DIP2C: variants seen among roughly 807,000 people sequenced by gnomAD.
DIP2C encodes DIP2 acetate--CoA ligase C (putative), also known as disco-interacting protein 2 homolog C.
DIP2C carries 33 observed loss-of-function variants against 192.4 expected under a neutral mutation model. That is an observed-to-expected ratio of 0.17 (90% CI 0.13 to 0.23). The LOEUF is 0.23. Among genes scored for constraint, DIP2C ranks in the 10% least tolerant of loss-of-function variants. DIP2C has a pLI of 1.00. For synonymous variants in DIP2C, 979 were observed against 864.1 expected, an observed-to-expected ratio of 1.13 and a Z score of -2.33; for missense variants, 1,537 against 2,110.1, an observed-to-expected ratio of 0.73 and a Z score of 5.32.
intron 32 of DIP2C, among the ~76,000 whole-genome samples, chr10:301,425 A>T (rs905402228): frequency 6.6e-6 from 1 of 152,154 alleles, no homozygotes; most frequent in African/African-American, 2.4e-5. Context: ...GGGGGTCAGG[A>T]GAAAAGGCAG....
At chr10:623,718 G>A (rs1158279843) in intron 1 of DIP2C, among the ~76,000 whole-genome samples, 6 of 119,466 alleles carry the variant, frequency 5.0e-5, no homozygotes, top group Non-Finnish European at 1.1e-4. Flanking sequence ...GCTGAGGGGA[G>A]GAGGGGAGGA....
chr10:399,489 C>T (rs1964245326), intron 9 of DIP2C, among the ~76,000 whole-genome samples: 1 of 152,202 alleles, frequency 6.6e-6, no homozygotes, highest in South Asian at 2.1e-4. Context: ...CCACACGTTT[C>T]CACATAGATG....
chr10:281,849 A>C (rs1954847432), intron 35 of DIP2C, among the ~76,000 whole-genome samples: 1 of 152,232 alleles, frequency 6.6e-6, no homozygotes, highest in Admixed American at 6.5e-5. Context: ...TCCTTAGCTC[A>C]TAGAGCCAGG....
chr10:545,165 CCTTTT>C (rs1377572355), intron 1 of DIP2C, among the ~76,000 whole-genome samples: 8 of 91,892 alleles, frequency 8.7e-5, no homozygotes, highest in Admixed American at 3.2e-4. Context: ...TGGTGTTTTC[CCTTTT>C]TTTTTTTTTT....
At chr10:444,099 C>G (rs928373002) in intron 3 of DIP2C, among the ~76,000 whole-genome samples, 1 of 152,210 alleles carries the variant, frequency 6.6e-6, no homozygotes, top group African/African-American at 2.4e-5. Flanking sequence ...TCACCTGAGA[C>G]TCGTGTAGAT....
Position 310,095 on chromosome 10 carries a change from GC to G in DIP2C, c.3925-4del. On this transcript the variant is annotated splice_polypyrimidine_tract_variant and splice_region_variant and intron_variant, in intron 31 of 36. Transcript: ENST00000280886. ...GTTGGGTCAGGTCCTGAGGTTCCCTGCAAGCAACAACAGAGTGGTTAACTCA... is the reference window on the plus strand; with the variant it reads ...GTTGGGTCAGGTCCTGAGGTTCCCTGAAGCAACAACAGAGTGGTTAACTCA... 1 of 1,614,130 alleles carries G rather than the reference GC, an allele frequency of 6.2e-7. No individual in the cohort carries two copies. Among genetic ancestry groups the G allele is most frequent in the Non-Finnish European group, 8.5e-7 (1 of 1,179,972 alleles).
intron 4 of DIP2C, among the ~76,000 whole-genome samples, chr10:429,099 C>T (rs1311229157): frequency 6.6e-6 from 1 of 152,128 alleles, no homozygotes; most frequent in African/African-American, 2.4e-5. Context: ...TGGTGTCGTA[C>T]AATATATGGG....
intron 29 of DIP2C, among the ~76,000 whole-genome samples, chr10:331,736 A>G (rs1279831167): frequency 6.6e-6 from 1 of 152,188 alleles, no homozygotes; most frequent in Non-Finnish European, 1.5e-5. Flanking sequence ...GTGGACACCG[A>G]GGGACGACTT....
chr10:292,641 C>T (rs1489727994), intron 32 of DIP2C, among the ~76,000 whole-genome samples: 1 of 152,232 alleles, frequency 6.6e-6, no homozygotes, highest in Non-Finnish European at 1.5e-5. Flanking sequence ...ATGGCTGTCA[C>T]AAGAGGTCTG....
intron 1 of DIP2C, among the ~76,000 whole-genome samples, chr10:609,732 A>T (rs1852938932): frequency 6.6e-6 from 1 of 152,230 alleles, no homozygotes; most frequent in African/African-American, 2.4e-5. Context: ...TGATAATGCT[A>T]TAGGTTAACC....
At chr10:362,725 A>C in intron 21 of DIP2C, 34 bp from the exon 22 acceptor site, 2 of 1,575,808 alleles carry the variant, frequency 1.3e-6, no homozygotes, top group Non-Finnish European at 1.7e-6. Context: ...TCATGTTATA[A>C]GAGGAAGTAT....
intron 1 of DIP2C, among the ~76,000 whole-genome samples, chr10:501,834 C>G (rs543748875): frequency 6.6e-6 from 1 of 152,230 alleles, no homozygotes; most frequent in South Asian, 2.1e-4. Context: ...AACATAAAAC[C>G]TCTGCACCTT....
intron 32 of DIP2C, among the ~76,000 whole-genome samples, chr10:308,510 C>T (rs1422884527): frequency 6.7e-6 from 1 of 149,562 alleles, no homozygotes; most frequent in African/African-American, 2.6e-5. Flanking sequence ...GAGTTATTTT[C>T]CAAAGAATTC....
At chr10:343,236 C>G (rs1306298994) in intron 28 of DIP2C, among the ~76,000 whole-genome samples, 4 of 152,246 alleles carry the variant, frequency 2.6e-5, no homozygotes, top group African/African-American at 7.2e-5. Context: ...TTGCAGTGAG[C>G]TGAGATCGCA....
intron 1 of DIP2C, among the ~76,000 whole-genome samples, chr10:560,498 T>TGA (rs1849149764): frequency 6.6e-6 from 1 of 152,218 alleles, no homozygotes. Flanking sequence ...CTCGCGGCAG[T>TGA]GAACACGTGA....
At chr10:521,484 C>T (rs368438302) in intron 1 of DIP2C, among the ~76,000 whole-genome samples, 1 of 152,202 alleles carries the variant, frequency 6.6e-6, no homozygotes, top group African/African-American at 2.4e-5. Context: ...TCTCTGCCCC[C>T]CAAAGCCTGA....
At chr10:427,373 G>C (rs1043081589) in intron 4 of DIP2C, among the ~76,000 whole-genome samples, 1 of 152,168 alleles carries the variant, frequency 6.6e-6, no homozygotes, top group African/African-American at 2.4e-5. Flanking sequence ...ATTAATCATA[G>C]CTGCAAAATC....
chr10:488,874 G>A lies in DIP2C; in HGVS notation c.86-2344C>T, dbSNP rs1000614947. ...CAGTTGTCTTACAAACTGAAGCCAG[G>A]GTGCTCCTGCGTGTACCACATGTAC... On this transcript the variant is annotated intron_variant, in intron 1 of 36. Transcript: ENST00000280886. Among the ~76,000 whole-genome samples, 7 of 152,162 alleles carry A rather than the reference G, an allele frequency of 4.6e-5. No homozygotes were observed. In the East Asian group the frequency reaches 1.2e-3, roughly 25 times the overall value.
rs1315928517 is a variant in DIP2C at position 518,536 on chromosome 10, T to TA, written c.86-32007_86-32006insT. On this transcript the variant is annotated intron_variant, in intron 1 of 36. Transcript: ENST00000280886. Reference sequence around the variant, plus strand: ...AAGCTGGAGCCCCATGAATGGGGTTTGTGCCTCAGAAAGGGGCCCAGCAAC... The same window carrying TA: ...AAGCTGGAGCCCCATGAATGGGGTTTAGTGCCTCAGAAAGGGGCCCAGCAAC... 1.8e-4 allele frequency among the ~76,000 whole-genome samples: 28 copies of TA among 152,202 alleles called. 1 individual carries two copies. Among genetic ancestry groups the TA allele is most frequent in the Admixed American group, 1.8e-3 (28 of 15,282 alleles).
Sources: allele counts gnomAD v4.1 joint callset (sites outside exome capture counted in the v4.1 genomes callset), GRCh38; gene constraint gnomAD v4.1.1; transcripts MANE v1.5; gene names NCBI Gene and HGNC (gene_info 2026-07-23, HGNC 2026-07-21).